Variants in SEC61A1 observed in about 807,000 individuals in gnomAD.
SEC61A1 encodes the protein SEC61 translocon subunit alpha 1, also known as protein transport protein Sec61 subunit alpha isoform 1.
SEC61A1 carries 15 observed loss-of-function variants against 55.2 expected under a neutral mutation model. The ratio of observed to expected loss-of-function variants is 0.27; its 90% CI spans 0.18 to 0.42. The LOEUF (loss-of-function observed/expected upper bound fraction) is 0.42, where lower values mean the gene tolerates loss of function less well. Ranked by LOEUF, SEC61A1 falls within the 10% of genes least tolerant of loss-of-function variation. The probability of loss-of-function intolerance (pLI) is 1.00; values close to 1 mark genes in which losing one functional copy is unlikely to be tolerated. For missense variants in SEC61A1, 284 were observed against 602.6 expected (o/e 0.47, Z 5.53); for synonymous variants, 247 against 234.0 (o/e 1.06, Z -0.51).
At chr3:128,055,777 C>A in intron 4 of SEC61A1, 26 bp downstream of exon 4, 1 of 1,578,172 alleles carries the variant, frequency 6.3e-7, no homozygotes, top group South Asian at 1.1e-5. Flanking sequence ...TGTCTTTTCT[C>A]TGTAGAGTGT....
intron 8 of SEC61A1, chr3:128,066,605 G>C (rs1941988386): frequency 3.8e-6 from 1 of 260,122 alleles, no homozygotes; most frequent in South Asian, 7.2e-5. Context: ...TTTATTTTTT[G>C]TAGAGACGGA....
rs558776617 is a variant in SEC61A1, at chr3:128,059,475, A to C, written c.353-627A>C. Among the ~76,000 whole-genome samples, 5 of 152,176 alleles carry C rather than the reference A, an allele frequency of 3.3e-5. No homozygotes were observed. In the South Asian group the frequency reaches 1.0e-3, roughly 32 times the overall value. On this transcript the variant is annotated intron_variant, in intron 5 of 11. Coordinates refer to ENST00000243253, the MANE Select transcript of SEC61A1 (RefSeq NM_013336.4). ...GCGACAGAGACTCCGTCTCAAAAAA[A>C]AAAAAAAGGAAAGCTTCTATTAGAC...
At chr3:128,052,652 A>G (rs1941705888) in intron 1 of SEC61A1, 93 bp downstream of exon 1, 1 of 1,547,246 alleles carries the variant, frequency 6.5e-7, no homozygotes, top group African/African-American at 1.4e-5. Context: ...GCCAACCCTG[A>G]CCGGCCCCCT....
chr3:128,060,248 CT>C, intron 6 of SEC61A1, 37 bp downstream of exon 6: 1 of 1,402,128 alleles, frequency 7.1e-7, no homozygotes, highest in Non-Finnish European at 1.0e-6. Flanking sequence ...TGAGTAGCCC[CT>C]CACACTTACC....
intron 5 of SEC61A1, among the ~76,000 whole-genome samples, chr3:128,058,959 ATTG>A (rs1160761290): frequency 2.6e-5 from 4 of 152,210 alleles, no homozygotes; most frequent in Non-Finnish European, 4.4e-5. Flanking sequence ...TTAAGAACTA[ATTG>A]TTGTGGAGCA....
intron 11 of SEC61A1, chr3:128,068,618 GA>G (rs1222698833): frequency 6.5e-6 from 1 of 153,880 alleles, no homozygotes; most frequent in African/African-American, 2.4e-5. Context: ...TAGAGAGGGA[GA>G]GGGGGAGGCC....
rs1410503954 is a variant in SEC61A1, at chr3:128,071,313, T to G, written c.*1651T>G. ...CCAGTCCTGAGCAGGGGAGAGGCTC[T>G]TGAGACCTGATGCCCTCCTACCCAC... On this transcript the variant is annotated 3_prime_UTR_variant, in exon 12 of 12. Transcript: ENST00000243253. The G allele has an allele frequency of 6.6e-6, 1 of 152,470 alleles. No homozygotes were observed. Among genetic ancestry groups the G allele is most frequent in the African/African-American group, 2.4e-5 (1 of 41,472 alleles). The allele number at this position is 152,470 out of a possible 1,614,324, so 9.4% of individuals were successfully genotyped here.
chr3:128,054,079 G>GATGAATAACAAGGGCCAGACATGAGA, intron 2 of SEC61A1, among the ~76,000 whole-genome samples: 1 of 152,344 alleles, frequency 6.6e-6, no homozygotes, highest in African/African-American at 2.4e-5. Flanking sequence ...AACATTAGGA[G>GATGAATAACAAGGGCCAGACATGAGA]ATGAATAACA....
At chr3:128,060,802 C>G (rs775930043) in intron 7 of SEC61A1, 141 bp downstream of exon 7, 26 of 842,036 alleles carry the variant, frequency 3.1e-5, no homozygotes, top group Non-Finnish European at 4.3e-5. Context: ...TTGGGTCCAT[C>G]TGCAAAGTTT....
rs1478737329 is a variant in SEC61A1 at position 128,052,551 on chromosome 3, C to T, written c.-2C>T. 6.2e-7 allele frequency: 1 copy of T among 1,600,156 alleles called. No individual in the cohort carries two copies. The highest frequency in any genetic ancestry group is 1.7e-5 in the Admixed American group (1 of 58,176). ...GGACCCGGAGCCCGAGCAGCCGCCG[C>T]CATGGCAAGTGAGTCCTGTAGGGAA... On this transcript the variant is annotated 5_prime_UTR_variant, in exon 1 of 12. Transcript: ENST00000243253.
At chr3:128,056,647 T>C in intron 4 of SEC61A1, 62 bp from the exon 5 acceptor site, 1 of 1,379,546 alleles carries the variant, frequency 7.2e-7, no homozygotes, top group African/African-American at 1.5e-5. Context: ...GTATTCATTT[T>C]TAAAATAACG....
In SEC61A1 at chr3:128,067,238, TC is replaced by T. The variant is rs1461388513; in HGVS notation, c.975+89del. Reference sequence around the variant, plus strand: ...GTCTTGCTCATGAACAGATATTTCATCCAAAGATATTTTCCATTGTGCCTTT... The same window carrying T: ...GTCTTGCTCATGAACAGATATTTCATCAAAGATATTTTCCATTGTGCCTTT... On this transcript the variant is annotated intron_variant, in intron 9 of 11. Coordinates refer to ENST00000243253, the MANE Select transcript of SEC61A1 (RefSeq NM_013336.4). The surrounding 1 kb of genome is among the most constrained non-coding windows in gnomAD (Gnocchi z 4.1). 42 of 1,379,560 alleles carry T rather than the reference TC, an allele frequency of 3.0e-5. 1 individual carries two copies. In the East Asian group the frequency reaches 7.3e-4, roughly 24 times the overall value. The allele number at this position is 1,379,560 out of a possible 1,614,324, so 85.5% of individuals were successfully genotyped here.
chr3:128,051,695 C>G, upstream of SEC61A1: 1 of 1,444,286 alleles, frequency 6.9e-7, no homozygotes, highest in Non-Finnish European at 9.1e-7. Flanking sequence ...TCCCTCATTC[C>G]TTCTCGCCAG....
At chr3:128,057,841 C>CG (rs1553721346) in intron 5 of SEC61A1, among the ~76,000 whole-genome samples, 1 of 151,934 alleles carries the variant, frequency 6.6e-6, no homozygotes, top group African/African-American at 2.4e-5. Context: ...ACATGGGGGA[C>CG]AGAGCAAGAC....
chr3:128,069,703 G>T lies in SEC61A1; in HGVS notation c.*41G>T. The T allele has an allele frequency of 6.3e-7, 1 of 1,578,656 alleles. No homozygotes were observed. Among genetic ancestry groups the T allele is most frequent in the Non-Finnish European group, 8.7e-7 (1 of 1,150,660 alleles). On this transcript the variant is annotated 3_prime_UTR_variant, in exon 12 of 12. Transcript: ENST00000243253. ...AGGTTGAGGAAGCTGCTCCAGAAGCGCCTCGGAAGGGGAGCTCTCATCATG... is the reference window on the plus strand; with the variant it reads ...AGGTTGAGGAAGCTGCTCCAGAAGCTCCTCGGAAGGGGAGCTCTCATCATG...
rs922242688 is a variant in SEC61A1 at position 128,067,844 on chromosome 3, C to G, written c.1168-139C>G. 3 of 760,246 alleles carry G rather than the reference C, an allele frequency of 3.9e-6. No individual in the cohort carries two copies. The African/African-American group carries it at 5.2e-5, about 13-fold the overall frequency. The allele number at this position is 760,246 out of a possible 1,614,324, so 47.1% of individuals were successfully genotyped here. ...AAAGTTAGACTTTTTCATATGACTT[C>G]CTTGCGGCAGTTTTAAAGTTCTCTG... On this transcript the variant is annotated intron_variant, in intron 10 of 11. Transcript: ENST00000243253. The surrounding 1 kb of genome is among the most constrained non-coding windows in gnomAD (Gnocchi z 4.1).
intron 2 of SEC61A1, among the ~76,000 whole-genome samples, chr3:128,055,282 G>C (rs1461529208): frequency 6.6e-6 from 1 of 152,156 alleles, no homozygotes; most frequent in African/African-American, 2.4e-5. Context: ...GTAATGCTCT[G>C]TGGTGTGAGG....
chr3:128,059,654 G>A (rs1465739565), intron 5 of SEC61A1, among the ~76,000 whole-genome samples: 2 of 152,118 alleles, frequency 1.3e-5, no homozygotes, highest in African/African-American at 4.8e-5. Context: ...CCTGGATGGT[G>A]AGCCTAGAGA....
At chr3:128,059,225 G>A (rs1179007697) in intron 5 of SEC61A1, among the ~76,000 whole-genome samples, 1 of 152,138 alleles carries the variant, frequency 6.6e-6, no homozygotes, top group Non-Finnish European at 1.5e-5. Context: ...TGTAATCCCC[G>A]CACTTTGGGA....
Sources: allele counts gnomAD v4.1 joint callset (sites outside exome capture counted in the v4.1 genomes callset), GRCh38; gene constraint gnomAD v4.1.1; non-coding constraint Gnocchi (gnomAD v3.1); transcripts MANE v1.5; gene names NCBI Gene and HGNC (gene_info 2026-07-23, HGNC 2026-07-21).